CCDC169: variants seen among roughly 807,000 people sequenced by gnomAD.
The protein encoded by CCDC169 is coiled-coil domain containing 169.
CCDC169 carries 30 observed loss-of-function variants against 36.0 expected under a neutral mutation model. The ratio of observed to expected loss-of-function variants is 0.83; its 90% CI spans 0.62 to 1.13. The LOEUF is 1.13. Among genes scored for constraint, CCDC169 ranks in the 50% most tolerant of loss-of-function variants. The probability of loss-of-function intolerance (pLI) is 0.00; values close to 1 mark genes in which losing one functional copy is unlikely to be tolerated. For synonymous variants in CCDC169, 85 were observed against 81.5 expected (o/e 1.04, Z -0.23); for missense variants, 245 against 245.9 (o/e 1.00, Z 0.03).
chr13:36,242,474 C>A (rs2138425083), intron 7 of CCDC169, among the ~76,000 whole-genome samples: 1 of 152,080 alleles, frequency 6.6e-6, no homozygotes, highest in Non-Finnish European at 1.5e-5. Flanking sequence ...CAGAGTTAAG[C>A]CAGTAAGAAA....
intron 7 of CCDC169, among the ~76,000 whole-genome samples, chr13:36,242,913 G>T (rs1170379048): frequency 6.6e-6 from 1 of 152,174 alleles, no homozygotes; most frequent in Non-Finnish European, 1.5e-5. Flanking sequence ...GGAGGAATGA[G>T]TTTGGCACCC....
intron 4 of CCDC169, among the ~76,000 whole-genome samples, chr13:36,257,111 A>C (rs1873982968): frequency 8.0e-6 from 1 of 125,706 alleles, no homozygotes; most frequent in African/African-American, 2.6e-5. Context: ...TGAGCTGGGG[A>C]TAGGGGAGGT....
At chr13:36,290,984 TA>T (rs35360922) in intron 2 of CCDC169, among the ~76,000 whole-genome samples, 37,808 of 140,770 alleles carry the variant, frequency 0.27, 4,916 homozygotes, top group East Asian at 0.47. Flanking sequence ...GAATATAAAC[TA>T]AAAAAAAAAA....
rs144900485 is a variant in CCDC169 at position 36,233,379 on chromosome 13, C to T, written c.546-2087G>A. Among the ~76,000 whole-genome samples, 598 of 152,106 alleles carry T rather than the reference C, an allele frequency of 3.9e-3. 7 individuals carry two copies. Among genetic ancestry groups the T allele is most frequent in the African/African-American group, 0.014 (564 of 41,506 alleles). On this transcript the variant is annotated intron_variant, in intron 7 of 7. Coordinates refer to ENST00000239859, the MANE Select transcript of CCDC169 (RefSeq NM_001144981.3). ...AGTGGCCATGTTACATATTTTAAAA[C>T]ATCCAGTTTTCAAAACAAAATTACA...
chr13:36,257,628 G>A (rs7985895), intron 4 of CCDC169, among the ~76,000 whole-genome samples: 109 of 152,040 alleles, frequency 7.2e-4, no homozygotes, highest in South Asian at 4.8e-3. Context: ...GCTTGAACGC[G>A]GGAGGCGGGG....
chr13:36,264,450 T>C (rs1875012730), intron 4 of CCDC169, among the ~76,000 whole-genome samples: 1 of 151,934 alleles, frequency 6.6e-6, no homozygotes, highest in Non-Finnish European at 1.5e-5. Flanking sequence ...GTAGGATACC[T>C]AGGGAAGGAC....
chr13:36,251,508 T>A (rs872721), intron 6 of CCDC169, among the ~76,000 whole-genome samples: 61,597 of 151,908 alleles, frequency 0.41, 13,266 homozygotes, highest in Non-Finnish European at 0.48. Context: ...TCATATAAAC[T>A]AAGGTAAATG....
At chr13:36,281,427 T>C (rs1713109043) in intron 4 of CCDC169, among the ~76,000 whole-genome samples, 1 of 152,156 alleles carries the variant, frequency 6.6e-6, no homozygotes, top group African/African-American at 2.4e-5. Flanking sequence ...TATCTTACCT[T>C]CAGAGGAGAA....
At chr13:36,286,481 C>T (rs1271500308) in intron 2 of CCDC169, among the ~76,000 whole-genome samples, 2 of 152,140 alleles carry the variant, frequency 1.3e-5, no homozygotes, top group African/African-American at 4.8e-5. Flanking sequence ...ACTCAGTTGC[C>T]TGGGGGAGCC....
intron 7 of CCDC169, among the ~76,000 whole-genome samples, chr13:36,236,420 T>C (rs529977757): frequency 6.6e-6 from 1 of 152,082 alleles, no homozygotes; most frequent in East Asian, 1.9e-4. Flanking sequence ...CTTCAACCTA[T>C]GGTGTTAGGA....
At chr13:36,297,591 C>CG (rs1369200606) in intron 1 of CCDC169, 46 bp downstream of exon 1, 4 of 1,529,422 alleles carry the variant, frequency 2.6e-6, no homozygotes, top group African/African-American at 1.4e-5. Flanking sequence ...GGTGAAGGCT[C>CG]GGGGGGTGTG....
chr13:36,251,108 A>G (rs2138462754), intron 6 of CCDC169, among the ~76,000 whole-genome samples: 1 of 152,382 alleles, frequency 6.6e-6, no homozygotes, highest in East Asian at 1.9e-4. Context: ...TATGTTGTGC[A>G]TATCAGAAGA....
intron 4 of CCDC169, 87 bp downstream of exon 4, chr13:36,283,382 C>G: frequency 7.7e-7 from 1 of 1,295,400 alleles, no homozygotes; most frequent in Non-Finnish European, 1.1e-6. Context: ...TTGCGCTAGT[C>G]TTCAAACTTC....
At chr13:36,268,273 T>A (rs1489388726) in intron 4 of CCDC169, among the ~76,000 whole-genome samples, 1 of 152,120 alleles carries the variant, frequency 6.6e-6, no homozygotes, top group Non-Finnish European at 1.5e-5. Context: ...ATCAAGTATA[T>A]TCTCAGACAA....
rs1322567875 is a variant in CCDC169 at position 36,297,809 on chromosome 13, G to A, written c.-90C>T. 1.6e-6 allele frequency: 2 copies of A among 1,274,834 alleles called. No homozygotes were observed. The highest frequency in any genetic ancestry group is 2.9e-5 in the African/African-American group (2 of 67,810). The allele number at this position is 1,274,834 out of a possible 1,614,324, so 79.0% of individuals were successfully genotyped here. ...CCACCCAGAAGCCAGTACGGCACGA[G>A]GCGGTGAACCCCAACCGCCCCCCGG... On this transcript the variant is annotated 5_prime_UTR_variant, in exon 1 of 8. Transcript: ENST00000239859.
chr13:36,271,966 T>C (rs1876120962), intron 4 of CCDC169, among the ~76,000 whole-genome samples: 1 of 151,238 alleles, frequency 6.6e-6, no homozygotes, highest in South Asian at 2.1e-4. Flanking sequence ...ATGTCTGTCA[T>C]CCCAGCTACT....
At chr13:36,285,618 G>GATAGATAGATACATAC (rs751327575) in intron 2 of CCDC169, among the ~76,000 whole-genome samples, 3,913 of 133,506 alleles carry the variant, frequency 0.029, 57 homozygotes, top group Middle Eastern at 0.057. Flanking sequence ...TAGATAGATA[G>GATAGATAGATACATAC]ATACATAGAT....
At chr13:36,296,295 T>C (rs2138666853) in intron 1 of CCDC169, among the ~76,000 whole-genome samples, 1 of 152,262 alleles carries the variant, frequency 6.6e-6, no homozygotes, top group East Asian at 1.9e-4. Flanking sequence ...GGTTTCACCA[T>C]ATTGGCCAGG....
At position 36,271,783 on chromosome 13, in the gene CCDC169, T is replaced by TA. The variant is rs1190355224; in HGVS notation, c.315+11685dup. Among the ~76,000 whole-genome samples, 9 of 151,710 alleles carry TA rather than the reference T, an allele frequency of 5.9e-5. No homozygotes were observed. The East Asian group carries it at 1.2e-3, about 20-fold the overall frequency. ...GGGTGGCTGGGAGGGAAGGAAGGGA[T>TA]AAAAAAACTACACATTAGTGGCCGG... On this transcript the variant is annotated intron_variant, in intron 4 of 7. Coordinates refer to ENST00000239859, the MANE Select transcript of CCDC169 (RefSeq NM_001144981.3).
Sources: gnomAD v4.1 joint callset for allele counts (sites outside exome capture counted in the v4.1 genomes callset) on GRCh38, gnomAD v4.1.1 for gene constraint, MANE v1.5 for transcripts, NCBI Gene and HGNC (gene_info 2026-07-23, HGNC 2026-07-21) for gene names.